Variants in LRRIQ1 observed in about 807,000 individuals in gnomAD.
LRRIQ1 encodes leucine-rich repeat- and IQ domain-containing protein 1.
LRRIQ1 carries 210 observed loss-of-function variants against 211.9 expected under a neutral mutation model. That is an observed-to-expected ratio of 0.99 (90% CI 0.89 to 1.11). LRRIQ1 has a LOEUF of 1.11. Ranked by LOEUF, LRRIQ1 falls within the 50% of genes most tolerant of loss-of-function variation. The probability of loss-of-function intolerance (pLI) is 0.00; values close to 1 mark genes in which losing one functional copy is unlikely to be tolerated. For synonymous variants in LRRIQ1, 699 were observed against 650.1 expected, an observed-to-expected ratio of 1.08 and a Z score of -1.14; for missense variants, 2,136 against 1,939.5, an observed-to-expected ratio of 1.10 and a Z score of -1.90.
intron 24 of LRRIQ1, among the ~76,000 whole-genome samples, chr12:85,196,489 A>G (rs1167021346): frequency 1.3e-5 from 2 of 152,062 alleles, no homozygotes; most frequent in South Asian, 2.1e-4. Flanking sequence ...ATATAGATCA[A>G]TGGAACAGAA....
chr12:85,073,204 AT>A lies in LRRIQ1; in HGVS notation c.2887+107del, dbSNP rs1189774368. 2.7e-5 allele frequency: 19 copies of A among 691,650 alleles called. No individual in the cohort carries two copies. The East Asian group carries it at 5.4e-4, about 20-fold the overall frequency. 42.8% of individuals were successfully genotyped at this position (691,650 alleles called of 1,614,324 possible). The stretch of plus-strand genomic sequence containing the variant: ...ACCATCATCTCCTTTATTTTTTTAA[AT>A]ATAGGTAAAATATAGCTGTTTTCAC... On this transcript the variant is annotated intron_variant, in intron 11 of 26. Coordinates refer to ENST00000393217, the MANE Select transcript of LRRIQ1 (RefSeq NM_001079910.2).
At chr12:85,043,194 T>C (rs1249109553) in intron 3 of LRRIQ1, among the ~76,000 whole-genome samples, 2 of 152,112 alleles carry the variant, frequency 1.3e-5, no homozygotes, top group Non-Finnish European at 2.9e-5. Context: ...AATTTATTAC[T>C]ATATCTTTTG....
chr12:85,108,695 C>T (rs1886954015), intron 15 of LRRIQ1, among the ~76,000 whole-genome samples: 1 of 152,074 alleles, frequency 6.6e-6, no homozygotes, highest in South Asian at 2.1e-4. Context: ...TCAGAACATT[C>T]ACTTTTGAGA....
At chr12:85,051,799 T>A (rs1880354558) in intron 6 of LRRIQ1, among the ~76,000 whole-genome samples, 1 of 152,140 alleles carries the variant, frequency 6.6e-6, no homozygotes. Context: ...CTGAACTGAT[T>A]TATGTGAATT....
Position 85,188,738 on chromosome 12 carries a change from G to T in LRRIQ1, c.4822+28024G>T, listed in dbSNP as rs1012169593. 2.0e-5 allele frequency among the ~76,000 whole-genome samples: 3 copies of T among 152,188 alleles called. No individual in the cohort carries two copies. The Middle Eastern group carries it at 0.01, about 518-fold the overall frequency. On this transcript the variant is annotated intron_variant, in intron 24 of 26. Coordinates refer to ENST00000393217, the MANE Select transcript of LRRIQ1 (RefSeq NM_001079910.2). ...AAGTTTACAATATTAAGTAACTAAAGGATTTACATCCTGCACAGCAGAGGC... is the reference window on the plus strand; with the variant it reads ...AAGTTTACAATATTAAGTAACTAAATGATTTACATCCTGCACAGCAGAGGC...
chr12:85,185,540 A>G (rs1486257354), intron 24 of LRRIQ1, among the ~76,000 whole-genome samples: 2 of 152,068 alleles, frequency 1.3e-5, no homozygotes, highest in African/African-American at 2.4e-5. Context: ...AGTTACAGCA[A>G]TAACAAAAAT....
At chr12:85,169,476 G>A (rs914299885) in intron 24 of LRRIQ1, among the ~76,000 whole-genome samples, 1 of 152,086 alleles carries the variant, frequency 6.6e-6, no homozygotes, top group Admixed American at 6.5e-5. Context: ...AGCTGGACTT[G>A]ATATTAAATA....
At chr12:85,205,752 A>T (rs1488527839) in intron 24 of LRRIQ1, among the ~76,000 whole-genome samples, 1 of 151,932 alleles carries the variant, frequency 6.6e-6, no homozygotes, top group Admixed American at 6.6e-5. Flanking sequence ...CATAGATTTG[A>T]TCTCTTTACA....
intron 18 of LRRIQ1, 78 bp downstream of exon 18, chr12:85,128,111 A>G: frequency 1.8e-6 from 2 of 1,089,410 alleles, no homozygotes; most frequent in Non-Finnish European, 2.7e-6. Flanking sequence ...TATTAAAAAT[A>G]ACCTCCAAAT....
Position 85,046,036 on chromosome 12 carries a change from A to T in LRRIQ1, c.353A>T (p.Glu118Val), listed in dbSNP as rs202151623. Residue 118 changes from glutamate (E) to valine (V), a missense_variant, in exon 5 of 27, where the codon GAA becomes GTA. Coordinates refer to ENST00000393217, the MANE Select transcript of LRRIQ1 (RefSeq NM_001079910.2). ...ACCTCTTAGATATTATCTGAAATAG[A>T]AAAAGAAGAATTTATGAGAAGTAAA... ...EQLIKILSEI[E>V]KEEFMRSKTD... 2.7e-5 allele frequency: 43 copies of T among 1,606,082 alleles called. No individual in the cohort carries two copies. The highest frequency in any genetic ancestry group is 5.1e-6 in the Non-Finnish European group (6 of 1,173,918).
intron 19 of LRRIQ1, among the ~76,000 whole-genome samples, chr12:85,151,003 A>G (rs982833068): frequency 2.0e-5 from 3 of 151,500 alleles, no homozygotes; most frequent in African/African-American, 7.3e-5. Flanking sequence ...AATGATTTTC[A>G]AGAATATACT....
intron 15 of LRRIQ1, among the ~76,000 whole-genome samples, chr12:85,111,166 T>C (rs1308519711): frequency 6.6e-6 from 1 of 152,128 alleles, no homozygotes; most frequent in Non-Finnish European, 1.5e-5. Flanking sequence ...GCTGCTTCCA[T>C]TTTGTAGACC....
intron 24 of LRRIQ1, among the ~76,000 whole-genome samples, chr12:85,189,100 G>GA (rs1322904527): frequency 6.6e-6 from 1 of 151,932 alleles, no homozygotes; most frequent in Non-Finnish European, 1.5e-5. Flanking sequence ...AAAAATCCCA[G>GA]AAAAAAACAT....
chr12:85,111,378 A>C (rs1277967890), intron 15 of LRRIQ1, among the ~76,000 whole-genome samples: 3 of 152,104 alleles, frequency 2.0e-5, no homozygotes, highest in Admixed American at 6.6e-5. Flanking sequence ...AACCTACTGC[A>C]CGAGAGGCTA....
chr12:85,085,328 C>T (rs919371768), intron 11 of LRRIQ1, among the ~76,000 whole-genome samples: 2 of 152,144 alleles, frequency 1.3e-5, no homozygotes, highest in African/African-American at 4.8e-5. Context: ...TACAAAACCA[C>T]CAGATCTCAT....
intron 24 of LRRIQ1, among the ~76,000 whole-genome samples, chr12:85,228,675 G>C (rs1009152847): frequency 6.6e-6 from 1 of 152,140 alleles, no homozygotes; most frequent in Admixed American, 6.6e-5. Context: ...CACATGCTAA[G>C]CTTGTATGTA....
chr12:85,205,312 T>G (rs1893489275), intron 24 of LRRIQ1, among the ~76,000 whole-genome samples: 1 of 152,180 alleles, frequency 6.6e-6, no homozygotes, highest in South Asian at 2.1e-4. Flanking sequence ...AGAATTCCCT[T>G]AGCATTTGCT....
chr12:85,106,466 T>G, intron 14 of LRRIQ1, 56 bp from the exon 15 acceptor site: 171 of 1,211,552 alleles, frequency 1.4e-4, no homozygotes, highest in Non-Finnish European at 1.9e-4. Flanking sequence ...CATAGATTTA[T>G]GATATTTGTT....
intron 16 of LRRIQ1, among the ~76,000 whole-genome samples, chr12:85,122,694 A>G (rs1888071923): frequency 6.6e-6 from 1 of 152,098 alleles, no homozygotes; most frequent in African/African-American, 2.4e-5. Context: ...TTTTCTGTGT[A>G]AATATTTTTG....
Sources: gnomAD v4.1 joint callset for allele counts (sites outside exome capture counted in the v4.1 genomes callset) on GRCh38, gnomAD v4.1.1 for gene constraint, MANE v1.5 for transcripts, NCBI Gene and HGNC (gene_info 2026-07-23, HGNC 2026-07-21) for gene names.